The following PRR16 variants were observed in gnomAD, a reference collection of about 807,000 sequenced individuals.
PRR16 encodes protein Largen.
PRR16 carries 6 observed loss-of-function variants against 18.2 expected under a neutral mutation model. That is an observed-to-expected ratio of 0.33 (90% CI 0.18 to 0.65). PRR16 has a LOEUF of 0.65. Among genes scored for constraint, PRR16 ranks in the 30% least tolerant of loss-of-function variants. The probability of loss-of-function intolerance (pLI) is 0.74; values close to 1 mark genes in which losing one functional copy is unlikely to be tolerated. For synonymous variants in PRR16, 151 were observed against 147.8 expected, an observed-to-expected ratio of 1.02 and a Z score of -0.16; for missense variants, 412 against 376.6, an observed-to-expected ratio of 1.09 and a Z score of -0.78.
At chr5:120,684,355 G>T (rs1757056524) in intron 1 of PRR16, among the ~76,000 whole-genome samples, 1 of 152,144 alleles carries the variant, frequency 6.6e-6, no homozygotes, top group Non-Finnish European at 1.5e-5. Flanking sequence ...AGGAAGTAAA[G>T]TCTATATCCT....
the PRR16 span, among the ~76,000 whole-genome samples, chr5:120,750,793 A>C: frequency 6.6e-6 from 1 of 152,214 alleles, no homozygotes; most frequent in Non-Finnish European, 1.5e-5. Flanking sequence ...TCAAACATTT[A>C]TCATTTTTTA....
intron 1 of PRR16, among the ~76,000 whole-genome samples, chr5:120,580,698 G>A (rs544083881): frequency 1.6e-4 from 25 of 152,084 alleles, no homozygotes; most frequent in African/African-American, 6.0e-4. Context: ...CTCATGATCT[G>A]CCCACCTCAG....
intron 1 of PRR16, among the ~76,000 whole-genome samples, chr5:120,637,334 A>AC (rs1434987642): frequency 2.7e-5 from 4 of 150,484 alleles, no homozygotes; most frequent in African/African-American, 7.3e-5. Flanking sequence ...AAAAAAAAAA[A>AC]AAAAAAAAAC....
At chr5:120,789,724 C>G in the PRR16 span, among the ~76,000 whole-genome samples, 1 of 152,088 alleles carries the variant, frequency 6.6e-6, no homozygotes, top group South Asian at 2.1e-4. Context: ...AATCATACTA[C>G]TGTACTTAAA....
intron 1 of PRR16, among the ~76,000 whole-genome samples, chr5:120,659,198 G>A (rs980845426): frequency 3.3e-5 from 5 of 151,960 alleles, no homozygotes; most frequent in Non-Finnish European, 7.4e-5. Flanking sequence ...GGACCTAGTA[G>A]TTGTGGTTTT....
At chr5:120,760,562 G>T in the PRR16 span, among the ~76,000 whole-genome samples, 7 of 152,026 alleles carry the variant, frequency 4.6e-5, no homozygotes, top group African/African-American at 1.7e-4. Context: ...GACTGAGCCT[G>T]GTGCTTCTTT....
intron 1 of PRR16, among the ~76,000 whole-genome samples, chr5:120,662,777 G>A (rs932416746): frequency 6.6e-6 from 1 of 152,096 alleles, no homozygotes; most frequent in South Asian, 2.1e-4. Context: ...TCCTAGGCAA[G>A]GCCCAGCACG....
At chr5:120,727,975 T>G in the PRR16 span, among the ~76,000 whole-genome samples, 1 of 152,110 alleles carries the variant, frequency 6.6e-6, no homozygotes, top group African/African-American at 2.4e-5. Flanking sequence ...TAAGATTAAG[T>G]TATCTATAGA....
intron 1 of PRR16, among the ~76,000 whole-genome samples, chr5:120,651,535 C>G (rs1272602436): frequency 1.3e-5 from 2 of 152,144 alleles, no homozygotes; most frequent in Non-Finnish European, 2.9e-5. Context: ...CCAGTTTCAG[C>G]TTTCTGCATA....
At chr5:120,764,583 C>G in the PRR16 span, among the ~76,000 whole-genome samples, 3 of 151,756 alleles carry the variant, frequency 2.0e-5, no homozygotes, top group Non-Finnish European at 4.4e-5. Context: ...GGCGAGGTGG[C>G]CTATTAACTA....
At chr5:120,522,074 T>A (rs544326040) in intron 1 of PRR16, among the ~76,000 whole-genome samples, 3 of 152,330 alleles carry the variant, frequency 2.0e-5, no homozygotes, top group Non-Finnish European at 4.4e-5. Flanking sequence ...TCTATCATTG[T>A]CATACATTTG....
At chr5:120,700,270 A>G in the PRR16 span, among the ~76,000 whole-genome samples, 1 of 152,184 alleles carries the variant, frequency 6.6e-6, no homozygotes, top group Non-Finnish European at 1.5e-5. Flanking sequence ...TTAAAAGGCC[A>G]TGCTGTAGCA....
chr5:120,670,145 T>A (rs1580860502), intron 1 of PRR16, among the ~76,000 whole-genome samples: 1 of 152,174 alleles, frequency 6.6e-6, no homozygotes, highest in Non-Finnish European at 1.5e-5. Context: ...AGTTTTCATA[T>A]GTTCATTGCC....
intron 1 of PRR16, among the ~76,000 whole-genome samples, chr5:120,664,503 A>T (rs923056502): frequency 2.4e-4 from 36 of 151,692 alleles, no homozygotes; most frequent in Middle Eastern, 3.4e-3. Context: ...CATGTGCACA[A>T]TGTGCAGGTT....
the PRR16 span, among the ~76,000 whole-genome samples, chr5:120,755,892 C>T: frequency 1.3e-5 from 2 of 151,938 alleles, no homozygotes; most frequent in African/African-American, 4.8e-5. Flanking sequence ...AAGTGTACTC[C>T]AGAGTGGGAG....
the PRR16 span, among the ~76,000 whole-genome samples, chr5:120,697,878 A>G: frequency 6.6e-6 from 1 of 151,938 alleles, no homozygotes; most frequent in Non-Finnish European, 1.5e-5. Flanking sequence ...AAGACAAAAG[A>G]AGTATTTACA....
At chr5:120,493,774 GA>G (rs1278166050) in intron 1 of PRR16, among the ~76,000 whole-genome samples, 1 of 152,126 alleles carries the variant, frequency 6.6e-6, no homozygotes, top group East Asian at 1.9e-4. Context: ...TATATAAGCA[GA>G]ATAAAATTAT....
At chr5:120,469,426 A>G (rs1245534863) in intron 1 of PRR16, among the ~76,000 whole-genome samples, 1 of 152,102 alleles carries the variant, frequency 6.6e-6, no homozygotes, top group African/African-American at 2.4e-5. Flanking sequence ...AGGTTGAAGG[A>G]GTCTTACCAC....
rs377355218 is a variant in PRR16, at chr5:120,507,870, A to G, written c.159+43225A>G. Among the ~76,000 whole-genome samples the G allele has an allele frequency of 1.4e-4, 21 of 152,186 alleles. 1 individual carries two copies. Among genetic ancestry groups the G allele is most frequent in the African/African-American group, 4.6e-4 (19 of 41,540 alleles). Reference sequence around the variant, plus strand: ...TCAGAGACTTTCAAAACCATATTCTATTGGGTTAGATGACAGCTGGATGAC... The same window carrying G: ...TCAGAGACTTTCAAAACCATATTCTGTTGGGTTAGATGACAGCTGGATGAC... On this transcript the variant is annotated intron_variant, in intron 1 of 1. Coordinates refer to ENST00000407149, the MANE Select transcript of PRR16 (RefSeq NM_001300783.2).
Sources: gnomAD v4.1 joint callset for allele counts (sites outside exome capture counted in the v4.1 genomes callset) on GRCh38, gnomAD v4.1.1 for gene constraint, MANE v1.5 for transcripts, NCBI Gene and HGNC (gene_info 2026-07-23, HGNC 2026-07-21) for gene names.